Variants in GPRC5D observed in about 807,000 individuals in gnomAD.
The protein encoded by GPRC5D is G protein-coupled receptor class C group 5 member D.
A neutral mutation model predicts 29.3 loss-of-function variants in GPRC5D; 20 were observed. That is an observed-to-expected ratio of 0.68 (90% confidence interval 0.48 to 0.99). The LOEUF (loss-of-function observed/expected upper bound fraction) is 0.99, where lower values mean the gene tolerates loss of function less well. GPRC5D is among the 50% of genes least tolerant of loss of function. The pLI, the probability that GPRC5D is intolerant of heterozygous loss-of-function variation, is 0.00. For missense variants in GPRC5D, 384 were observed against 423.6 expected, an observed-to-expected ratio of 0.91 and a Z score of 0.82; for synonymous variants, 178 against 171.3, an observed-to-expected ratio of 1.04 and a Z score of -0.30.
At chr12:12,952,066 A>G (rs3759218), upstream of GPRC5D, 70,381 of 151,904 alleles carry the variant, frequency 0.46, 19,572 homozygotes, top group Non-Finnish European at 0.62. Context: ...GGAGTGACCC[A>G]GGTTTACAGC....
chr12:12,948,075 C>T (rs886560326), intron 1 of GPRC5D: 2 of 152,124 alleles, frequency 1.3e-5, no homozygotes, highest in Non-Finnish European at 2.9e-5. Context: ...CAATGCTTGC[C>T]TGCTACTTTG....
At chr12:12,950,173 A>G (rs755428234) in exon 1 of GPRC5D, 2 of 1,613,972 alleles carry the variant, frequency 1.2e-6, no homozygotes, top group South Asian at 2.2e-5. Flanking sequence ...GAAGAGCCCC[A>G]GGACACTCAG....
chr12:12,940,737 G>GAGACC (rs1863121240), downstream of GPRC5D: 1 of 1,232,726 alleles, frequency 8.1e-7, no homozygotes, highest in African/African-American at 1.5e-5. Flanking sequence ...TACCCAGGAC[G>GAGACC]GTCTGCTGGG....
chr12:12,944,049 G>A (rs898386247), intron 1 of GPRC5D, among the ~76,000 whole-genome samples: 60 of 152,098 alleles, frequency 3.9e-4, no homozygotes, highest in African/African-American at 1.3e-3. Context: ...CGGAGCCTGG[G>A]CACATGCGGC....
At chr12:12,942,012 A>G (rs1188100753) in intron 2 of GPRC5D, among the ~76,000 whole-genome samples, 4 of 152,176 alleles carry the variant, frequency 2.6e-5, no homozygotes, top group South Asian at 2.1e-4. Context: ...TTCCAGGGAC[A>G]CGCACTTGCA....
intron 1 of GPRC5D, among the ~76,000 whole-genome samples, chr12:12,946,286 TCC>T (rs1863316930): frequency 5.8e-5 from 5 of 86,720 alleles, no homozygotes; most frequent in East Asian, 3.5e-4. Flanking sequence ...CTTCCTTCCT[TCC>T]TTTCTTCCTT....
chr12:12,942,980 C>G (rs1359353924), intron 1 of GPRC5D, among the ~76,000 whole-genome samples: 2 of 152,122 alleles, frequency 1.3e-5, no homozygotes, highest in African/African-American at 4.8e-5. Flanking sequence ...AGCTTGAATT[C>G]AATTTTTCAA....
At chr12:12,946,454 CT>C (rs1261162775) in intron 1 of GPRC5D, among the ~76,000 whole-genome samples, 1 of 147,548 alleles carries the variant, frequency 6.8e-6, no homozygotes, top group African/African-American at 2.5e-5. Context: ...CTCTCTCTCT[CT>C]TTCTCTCTTT....
rs1565477164 is a variant in GPRC5D, at chr12:12,944,827, TTCC to T, written c.896-2502_896-2500del. ...CTTCCTTCCTTCCTTCCTTCCTTCC[TTCC>T]TTCCTTCCTTCCTTCCTTCCTTCTT... On this transcript the variant is annotated intron_variant, in intron 1 of 2. Coordinates refer to ENST00000228887, the Ensembl canonical transcript of GPRC5D. 7.7e-3 allele frequency among the ~76,000 whole-genome samples: 76 copies of T among 9,918 alleles called. 4 individuals are homozygous for T. The highest frequency in any genetic ancestry group is 0.019 in the South Asian group (2 of 106). The allele number at this position is 9,918 out of a possible 152,430, so 6.5% of individuals were successfully genotyped here. A position where few individuals can be genotyped will look rare whatever the true frequency, so the allele number is the denominator to read the frequency against.
At chr12:12,947,843 C>T (rs897084530) in intron 1 of GPRC5D, among the ~76,000 whole-genome samples, 1 of 152,164 alleles carries the variant, frequency 6.6e-6, no homozygotes, top group African/African-American at 2.4e-5. Flanking sequence ...CAGGTGTGAG[C>T]CACAGAGCCC....
chr12:12,950,462 C>T, upstream of GPRC5D: 1 of 975,172 alleles, frequency 1.0e-6, no homozygotes, highest in Non-Finnish European at 1.5e-6. Flanking sequence ...ATTGACAACT[C>T]TGCATCTCTT....
chr12:12,948,713 G>T (rs1481288546), intron 1 of GPRC5D: 1 of 152,156 alleles, frequency 6.6e-6, no homozygotes, highest in Non-Finnish European at 1.5e-5. Context: ...TTTCCCCCAG[G>T]TTGTTGGGGT....
At chr12:12,945,994 T>C (rs150776959) in intron 1 of GPRC5D, among the ~76,000 whole-genome samples, 1 of 152,354 alleles carries the variant, frequency 6.6e-6, no homozygotes, top group African/African-American at 2.4e-5. Context: ...TCATTCTCCA[T>C]CCAGATGTTT....
At chr12:12,940,707 G>A (rs1210964587), downstream of GPRC5D, 14 of 889,572 alleles carry the variant, frequency 1.6e-5, no homozygotes, top group African/African-American at 4.9e-5. Flanking sequence ...GTGGGCCCCC[G>A]TGGGCTATCA....
exon 2 of GPRC5D, chr12:12,942,278 T>C: frequency 6.2e-7 from 1 of 1,610,410 alleles, no homozygotes; most frequent in South Asian, 1.1e-5. Flanking sequence ...TGAATGGGAG[T>C]ACCATATGAA....
upstream of GPRC5D, among the ~76,000 whole-genome samples, chr12:12,951,017 G>T (rs1339776978): frequency 6.6e-6 from 1 of 151,946 alleles, no homozygotes; most frequent in African/African-American, 2.4e-5. Flanking sequence ...GGCTGAGGCA[G>T]GAGAATTGCT....
At chr12:12,944,637 T>C (rs1027447967) in intron 1 of GPRC5D, among the ~76,000 whole-genome samples, 1 of 152,074 alleles carries the variant, frequency 6.6e-6, no homozygotes, top group Non-Finnish European at 1.5e-5. Context: ...TTACATTATA[T>C]AGACTCATTG....
At position 12,940,835 on chromosome 12, in the gene GPRC5D, T is replaced by G. The variant is rs1312086869; in HGVS notation, c.978A>C (p.Thr326=). ...TAGCCTGTGGGATGAAACACTCTTGTGTGGGATCAACAGTCTGGAAAGGAA... is the reference window on the plus strand; with the variant it reads ...TAGCCTGTGGGATGAAACACTCTTGGGTGGGATCAACAGTCTGGAAAGGAA... The change falls in exon 3 of 3, where the codon ACA becomes ACC. Residue 326 remains threonine (T), a synonymous_variant. Coordinates refer to ENST00000228887, the Ensembl canonical transcript of GPRC5D. 3 of 1,600,298 alleles carry G rather than the reference T, an allele frequency of 1.9e-6. No homozygotes were observed. In the South Asian group the frequency reaches 3.3e-5, roughly 18 times the overall value.
intron 1 of GPRC5D, among the ~76,000 whole-genome samples, chr12:12,945,154 A>G (rs1273197050): frequency 6.6e-6 from 1 of 151,260 alleles, no homozygotes; most frequent in Non-Finnish European, 1.5e-5. Flanking sequence ...CGGGTGCCCG[A>G]CACCACGCCC....
Sources: allele counts gnomAD v4.1 joint callset (sites outside exome capture counted in the v4.1 genomes callset), GRCh38; gene constraint gnomAD v4.1.1; transcripts MANE v1.5; gene names NCBI Gene and HGNC (gene_info 2026-07-23, HGNC 2026-07-21).